The following PRKG1 variants were observed in gnomAD, a reference collection of about 807,000 sequenced individuals.
The protein encoded by PRKG1 is protein kinase cGMP-dependent 1.
PRKG1 carries 35 observed loss-of-function variants against 88.1 expected under a neutral mutation model. The observed-to-expected ratio is 0.40, with a 90% CI of 0.30 to 0.53. The LOEUF is 0.53. Among genes scored for constraint, PRKG1 ranks in the 20% least tolerant of loss-of-function variants. The probability of loss-of-function intolerance (pLI) is 0.59; values close to 1 mark genes in which losing one functional copy is unlikely to be tolerated. For missense variants in PRKG1, 540 were observed against 839.8 expected, an observed-to-expected ratio of 0.64 and a Z score of 4.41; for synonymous variants, 303 against 292.5, an observed-to-expected ratio of 1.04 and a Z score of -0.37.
At chr10:51,090,053 A>G (rs1225581683) in intron 1 of PRKG1, among the ~76,000 whole-genome samples, 1 of 152,184 alleles carries the variant, frequency 6.6e-6, no homozygotes, top group African/African-American at 2.4e-5. Context: ...TTGCTACTTT[A>G]GCACTAACTA....
intron 3 of PRKG1, among the ~76,000 whole-genome samples, chr10:51,524,140 T>C (rs1841812661): frequency 6.6e-6 from 1 of 152,246 alleles, no homozygotes; most frequent in Middle Eastern, 3.4e-3. Context: ...CATTCCACCA[T>C]GGGTAAAAGC....
In PRKG1 at chr10:51,317,911, G is replaced by A. The variant is rs145706718; in HGVS notation, c.479-149812G>A. On this transcript the variant is annotated intron_variant, in intron 2 of 17. Transcript: ENST00000373980. ...ACAGTCTTTCCTGTAATGGGCATTT[G>A]TACCTGCCATTCTTTTTCTTCTTTC... Among the ~76,000 whole-genome samples, 286 of 152,166 alleles carry A rather than the reference G, an allele frequency of 1.9e-3. 1 individual carries two copies. Among genetic ancestry groups the A allele is most frequent in the African/African-American group, 6.7e-3 (278 of 41,498 alleles).
chr10:52,014,730 G>T (rs1448614243), intron 5 of PRKG1, among the ~76,000 whole-genome samples: 4 of 152,214 alleles, frequency 2.6e-5, no homozygotes, highest in Non-Finnish European at 5.9e-5. Context: ...AAGATATAAT[G>T]GGGGTACAGG....
At chr10:52,185,243 G>T (rs1233990117) in intron 9 of PRKG1, among the ~76,000 whole-genome samples, 1 of 152,112 alleles carries the variant, frequency 6.6e-6, no homozygotes, top group Non-Finnish European at 1.5e-5. Context: ...TTCCAAAAGG[G>T]ACAAATTGGC....
At chr10:51,621,265 A>C (rs1564576708) in intron 3 of PRKG1, among the ~76,000 whole-genome samples, 1 of 152,050 alleles carries the variant, frequency 6.6e-6, no homozygotes, top group South Asian at 2.1e-4. Context: ...GTGAGATCAG[A>C]TGAAAGAGTT....
rs372490913 is a variant in PRKG1 at position 51,119,680 on chromosome 10, T to C, written c.312-33484T>C. ...TAAAATTCATGGTCTAAAAATATAA[T>C]GACAATTTTAACTTTACCACAAGAC... On this transcript the variant is annotated intron_variant, in intron 1 of 17. Coordinates refer to ENST00000373980, the MANE Select transcript of PRKG1 (RefSeq NM_006258.4). Among the ~76,000 whole-genome samples the C allele has an allele frequency of 9.9e-5, 15 of 152,174 alleles. 1 individual carries two copies. The East Asian group carries it at 1.4e-3, about 14-fold the overall frequency.
intron 9 of PRKG1, among the ~76,000 whole-genome samples, chr10:52,166,839 G>GTCTATATATATGTATATATATGTATA (rs1554812323): frequency 1.1e-5 from 1 of 90,484 alleles, no homozygotes; most frequent in African/African-American, 4.7e-5. Context: ...GTATATATAT[G>GTCTATATATATGTATATATATGTATA]TATATATATG....
intron 3 of PRKG1, among the ~76,000 whole-genome samples, chr10:51,682,078 T>C (rs913163396): frequency 1.3e-5 from 2 of 151,784 alleles, no homozygotes; most frequent in African/African-American, 4.8e-5. Context: ...AATAGAAATA[T>C]ACAAGCCATA....
intron 3 of PRKG1, among the ~76,000 whole-genome samples, chr10:51,515,456 A>G (rs915918457): frequency 6.4e-4 from 97 of 152,314 alleles, no homozygotes; most frequent in African/African-American, 2.2e-3. Context: ...CTAGTAGTAA[A>G]ATCAGAATGA....
intron 7 of PRKG1, among the ~76,000 whole-genome samples, chr10:52,067,517 C>T (rs534852840): frequency 3.3e-5 from 5 of 152,306 alleles, no homozygotes; most frequent in African/African-American, 1.2e-4. Flanking sequence ...AGCCTCATGA[C>T]TACTATCTAG....
In PRKG1 at chr10:52,262,924, G is replaced by A. The variant is rs1488187074; in HGVS notation, c.1174-8426G>A. Among the ~76,000 whole-genome samples the A allele has an allele frequency of 2.0e-5, 3 of 151,964 alleles. No homozygotes were observed. The East Asian group carries it at 5.8e-4, about 29-fold the overall frequency. On this transcript the variant is annotated intron_variant, in intron 10 of 17. Coordinates refer to ENST00000373980, the MANE Select transcript of PRKG1 (RefSeq NM_006258.4). Reference sequence around the variant, plus strand: ...AATGACAAGAAAAATGTCTATATATGTTCACCTCAAACACAACCATCCATT... The same window carrying A: ...AATGACAAGAAAAATGTCTATATATATTCACCTCAAACACAACCATCCATT...
In PRKG1 at chr10:51,382,248, G is replaced by A. The variant is rs183698185; in HGVS notation, c.479-85475G>A. ...ATTTGTTTATTAACATCTTAGAATG[G>A]AGGCTATTCTTAAAGTTTAGATAAG... On this transcript the variant is annotated intron_variant, in intron 2 of 17. Transcript: ENST00000373980. Among the ~76,000 whole-genome samples, 455 of 152,198 alleles carry A rather than the reference G, an allele frequency of 3.0e-3. 4 individuals carry two copies. The highest frequency in any genetic ancestry group is 0.01 in the African/African-American group (427 of 41,532).
chr10:51,932,637 C>T (rs2133007924), intron 5 of PRKG1, among the ~76,000 whole-genome samples: 1 of 152,256 alleles, frequency 6.6e-6, no homozygotes, highest in East Asian at 1.9e-4. Flanking sequence ...CGTTGTGCCT[C>T]TTTAAAAGGC....
intron 2 of PRKG1, among the ~76,000 whole-genome samples, chr10:51,206,981 T>A (rs1450586499): frequency 6.6e-6 from 1 of 152,186 alleles, no homozygotes; most frequent in East Asian, 1.9e-4. Context: ...ATTTGTTAGT[T>A]TTTTTTAAAT....
chr10:51,305,128 T>C (rs1445144777), intron 2 of PRKG1, among the ~76,000 whole-genome samples: 1 of 152,144 alleles, frequency 6.6e-6, no homozygotes, highest in African/African-American at 2.4e-5. Context: ...GGACTGAGCT[T>C]GCATCCTATA....
chr10:51,813,427 A>G (rs1200113693), intron 4 of PRKG1, among the ~76,000 whole-genome samples: 12 of 152,244 alleles, frequency 7.9e-5, no homozygotes. Context: ...ATCAAGGACC[A>G]TAATTAGAAA....
intron 3 of PRKG1, among the ~76,000 whole-genome samples, chr10:51,654,977 C>T (rs1840127872): frequency 6.6e-6 from 1 of 152,124 alleles, no homozygotes; most frequent in Non-Finnish European, 1.5e-5. Flanking sequence ...ATTATTTCAG[C>T]CCAGTTTAGA....
intron 2 of PRKG1, among the ~76,000 whole-genome samples, chr10:51,215,518 T>C (rs1372930843): frequency 6.6e-6 from 1 of 152,088 alleles, no homozygotes; most frequent in Non-Finnish European, 1.5e-5. Context: ...GAATAGAAAC[T>C]GAGGGGCAAG....
chr10:51,732,725 A>G (rs552165640), intron 3 of PRKG1, among the ~76,000 whole-genome samples: 2 of 152,182 alleles, frequency 1.3e-5, no homozygotes, highest in Non-Finnish European at 2.9e-5. Context: ...TTGAAGGCAA[A>G]AAGAATAAAC....
Sources: allele counts gnomAD v4.1 joint callset (sites outside exome capture counted in the v4.1 genomes callset), GRCh38; gene constraint gnomAD v4.1.1; transcripts MANE v1.5; gene names NCBI Gene and HGNC (gene_info 2026-07-23, HGNC 2026-07-21).